Variants in ZBTB16 observed in about 807,000 individuals in gnomAD.
ZBTB16 encodes zinc finger and BTB domain-containing protein 16.
Under a neutral mutation model 56.8 loss-of-function variants are expected in ZBTB16, and 8 were observed. The ratio of observed to expected loss-of-function variants is 0.14; its 90% CI spans 0.08 to 0.25. The LOEUF is 0.25. Among genes scored for constraint, ZBTB16 ranks in the 10% least tolerant of loss-of-function variants. ZBTB16 has a pLI of 1.00. For synonymous variants in ZBTB16, 363 were observed against 368.5 expected, an observed-to-expected ratio of 0.98 and a Z score of 0.17; for missense variants, 625 against 903.0, an observed-to-expected ratio of 0.69 and a Z score of 3.95.
At chr11:114,230,887 C>G (rs1054270127) in intron 4 of ZBTB16, among the ~76,000 whole-genome samples, 5 of 152,160 alleles carry the variant, frequency 3.3e-5, no homozygotes, top group Non-Finnish European at 5.9e-5. Flanking sequence ...GTCTCTCTCT[C>G]TTTTCTGTCT....
At chr11:114,218,670 T>C (rs1451994231) in intron 4 of ZBTB16, among the ~76,000 whole-genome samples, 1 of 152,214 alleles carries the variant, frequency 6.6e-6, no homozygotes, top group Non-Finnish European at 1.5e-5. Context: ...CACTGTTAAA[T>C]TGAGATATTA....
At chr11:114,224,210 G>C (rs1459874432) in intron 4 of ZBTB16, among the ~76,000 whole-genome samples, 1 of 152,098 alleles carries the variant, frequency 6.6e-6, no homozygotes, top group Non-Finnish European at 1.5e-5. Context: ...CAAAGAATAT[G>C]GTAGTCTGAA....
intron 2 of ZBTB16, among the ~76,000 whole-genome samples, chr11:114,148,437 T>TCTGTCCC (rs1565651872): frequency 1.3e-4 from 7 of 53,916 alleles, no homozygotes; most frequent in South Asian, 8.3e-4. Context: ...CTCTCTCTCT[T>TCTGTCCC]TCTCTCTCTC....
intron 2 of ZBTB16, among the ~76,000 whole-genome samples, chr11:114,136,739 C>G (rs1311021184): frequency 6.6e-6 from 1 of 152,042 alleles, no homozygotes; most frequent in Non-Finnish European, 1.5e-5. Flanking sequence ...CTCTTCGTCA[C>G]AGAACTTGAG....
chr11:114,115,053 C>T (rs1164076995), intron 2 of ZBTB16, among the ~76,000 whole-genome samples: 1 of 152,126 alleles, frequency 6.6e-6, no homozygotes, highest in Non-Finnish European at 1.5e-5. Flanking sequence ...TATTTTCTTT[C>T]TTCCTTTCTT....
intron 3 of ZBTB16, among the ~76,000 whole-genome samples, chr11:114,159,472 A>G (rs1442809395): frequency 6.6e-6 from 1 of 152,086 alleles, no homozygotes; most frequent in Non-Finnish European, 1.5e-5. Context: ...ATATTCTGAT[A>G]TTTCTATTCT....
chr11:114,239,579 T>C (rs917426957), intron 4 of ZBTB16, among the ~76,000 whole-genome samples: 2 of 152,200 alleles, frequency 1.3e-5, no homozygotes, highest in Non-Finnish European at 2.9e-5. Context: ...TCCAGAAAGA[T>C]ACATCTCTCA....
intron 1 of ZBTB16, chr11:114,061,350 CT>C (rs1219279012): frequency 6.6e-6 from 1 of 152,204 alleles, no homozygotes; most frequent in Non-Finnish European, 1.5e-5. Flanking sequence ...AGCTTCCATT[CT>C]TTTGGCTGTT....
chr11:114,154,494 C>G (rs1255907405), intron 2 of ZBTB16, among the ~76,000 whole-genome samples: 2 of 152,182 alleles, frequency 1.3e-5, no homozygotes, highest in African/African-American at 2.4e-5. Flanking sequence ...CAGGAATACT[C>G]CACCATCGTG....
At chr11:114,095,097 A>C (rs1940331355) in intron 2 of ZBTB16, among the ~76,000 whole-genome samples, 1 of 152,232 alleles carries the variant, frequency 6.6e-6, no homozygotes, top group Admixed American at 6.5e-5. Flanking sequence ...GACCAAGGCC[A>C]AGAAAAATAG....
chr11:114,136,677 G>A (rs373792955), intron 2 of ZBTB16, among the ~76,000 whole-genome samples: 8 of 152,020 alleles, frequency 5.3e-5, no homozygotes, highest in African/African-American at 1.5e-4. Flanking sequence ...AGTCATCATC[G>A]GGCAGATCAC....
intron 3 of ZBTB16, among the ~76,000 whole-genome samples, chr11:114,177,158 A>G (rs973483871): frequency 3.3e-5 from 5 of 152,192 alleles, no homozygotes; most frequent in African/African-American, 1.2e-4. Context: ...GGTACTTCAT[A>G]TAGTTTCTTG....
chr11:114,091,712 G>T (rs1462650782), intron 2 of ZBTB16, among the ~76,000 whole-genome samples: 1 of 150,958 alleles, frequency 6.6e-6, no homozygotes, highest in Non-Finnish European at 1.5e-5. Context: ...AGACTTGCTG[G>T]GACAGTCTCC....
intron 3 of ZBTB16, among the ~76,000 whole-genome samples, chr11:114,167,232 G>GTTTTTTTTTTTTTTTTTTTTTTTTTTTT (rs58946694): frequency 9.0e-5 from 8 of 88,710 alleles, no homozygotes; most frequent in South Asian, 3.6e-4. Flanking sequence ...TTTTTTTTTG[G>GTTTTTTTTTTTTTTTTTTTTTTTTTTTT]TTTTTTTTTT....
intron 4 of ZBTB16, among the ~76,000 whole-genome samples, chr11:114,210,192 T>TGC (rs1555155978): frequency 0.033 from 4,693 of 143,280 alleles, 96 homozygotes; most frequent in East Asian, 0.054. Context: ...TGTGTGTGTG[T>TGC]GCGTGCGCGC....
intron 2 of ZBTB16, among the ~76,000 whole-genome samples, chr11:114,137,214 A>G (rs1431958449): frequency 1.3e-5 from 2 of 152,170 alleles, no homozygotes; most frequent in Admixed American, 6.5e-5. Flanking sequence ...CTTTTCTACC[A>G]TTTGAAGTCT....
rs929444487 is a variant in ZBTB16 at position 114,088,265 on chromosome 11, C to A, written c.1268+23697C>A. Among the ~76,000 whole-genome samples, 8 of 151,536 alleles carry A rather than the reference C, an allele frequency of 5.3e-5. No homozygotes were observed. In the South Asian group the frequency reaches 8.3e-4, roughly 16 times the overall value. On this transcript the variant is annotated intron_variant, in intron 2 of 6. Coordinates refer to ENST00000335953, the MANE Select transcript of ZBTB16 (RefSeq NM_006006.6). ...CAAGTGATTCTTGTGTCTCAGCCTC[C>A]CGAGTAGCTGAGATTACAGACATGC...
chr11:114,119,694 T>A (rs1941287850), intron 2 of ZBTB16, among the ~76,000 whole-genome samples: 1 of 152,170 alleles, frequency 6.6e-6, no homozygotes, highest in African/African-American at 2.4e-5. Context: ...TCTCATCTCA[T>A]GAGCACCTGT....
intron 2 of ZBTB16, among the ~76,000 whole-genome samples, chr11:114,126,842 C>T (rs1941522837): frequency 6.6e-6 from 1 of 152,200 alleles, no homozygotes; most frequent in Non-Finnish European, 1.5e-5. Flanking sequence ...ATCCTGATTT[C>T]TCCACTTCCC....
Sources: allele counts gnomAD v4.1 joint callset (sites outside exome capture counted in the v4.1 genomes callset), GRCh38; gene constraint gnomAD v4.1.1; transcripts MANE v1.5; gene names NCBI Gene and HGNC (gene_info 2026-07-23, HGNC 2026-07-21).